ANK1: variants seen among roughly 807,000 people sequenced by gnomAD.
The protein encoded by ANK1 is ankyrin 1, also known as ankyrin-1.
In ANK1, 51 loss-of-function variants were observed where a neutral mutation model predicts 210.4. The observed-to-expected ratio is 0.24, with a 90% CI of 0.19 to 0.31. The LOEUF (loss-of-function observed/expected upper bound fraction) is 0.31. Among genes scored for constraint, ANK1 ranks in the 10% least tolerant of loss-of-function variants. The pLI, the probability that ANK1 is intolerant of heterozygous loss-of-function variation, is 1.00. For missense variants in ANK1, 2,051 were observed against 2,504.4 expected, an observed-to-expected ratio of 0.82 and a Z score of 3.86; for synonymous variants, 967 against 1,025.9, an observed-to-expected ratio of 0.94 and a Z score of 1.10.
chr8:41,724,000 G>T (rs1297921595), intron 7 of ANK1, among the ~76,000 whole-genome samples: 1 of 151,790 alleles, frequency 6.6e-6, no homozygotes, highest in Non-Finnish European at 1.5e-5. Context: ...GTGTTAGCCA[G>T]GATGGTCTCG....
At chr8:41,780,500 C>T (rs773251307) in intron 1 of ANK1, among the ~76,000 whole-genome samples, 1 of 152,262 alleles carries the variant, frequency 6.6e-6, no homozygotes, top group South Asian at 2.1e-4. Context: ...ACGTCCTCCT[C>T]TGCCCACCCA....
At chr8:41,771,647 T>C (rs1419120795) in intron 1 of ANK1, among the ~76,000 whole-genome samples, 1 of 152,202 alleles carries the variant, frequency 6.6e-6, no homozygotes, top group African/African-American at 2.4e-5. Flanking sequence ...CTAAATATTT[T>C]ACCTACTGTC....
intron 1 of ANK1, among the ~76,000 whole-genome samples, chr8:41,758,739 G>A (rs1345951621): frequency 6.6e-6 from 1 of 152,144 alleles, no homozygotes; most frequent in African/African-American, 2.4e-5. Context: ...GCACAGCACA[G>A]CCTGGTGTCT....
intron 1 of ANK1, among the ~76,000 whole-genome samples, chr8:41,821,876 C>T (rs1804313746): frequency 6.6e-6 from 1 of 151,974 alleles, no homozygotes; most frequent in South Asian, 2.1e-4. Flanking sequence ...AGTGAAACCT[C>T]ATCTCTACTA....
chr8:41,711,998 C>T (rs967111240), intron 16 of ANK1, among the ~76,000 whole-genome samples: 2 of 151,954 alleles, frequency 1.3e-5, no homozygotes, highest in East Asian at 1.9e-4. Flanking sequence ...GACCTTGGCT[C>T]GCCGCAATCT....
intron 1 of ANK1, among the ~76,000 whole-genome samples, chr8:41,762,699 A>C (rs999644675): frequency 3.3e-5 from 5 of 152,252 alleles, no homozygotes; most frequent in African/African-American, 1.2e-4. Context: ...TACTTATGCT[A>C]CTGATTCAGA....
chr8:41,681,706 G>A (rs1345005768), intron 37 of ANK1, among the ~76,000 whole-genome samples: 3 of 152,050 alleles, frequency 2.0e-5, no homozygotes, highest in Admixed American at 1.3e-4. Flanking sequence ...GCCCAGGGAA[G>A]AGCAGAGAAG....
intron 9 of ANK1, among the ~76,000 whole-genome samples, chr8:41,720,561 G>A (rs1441963377): frequency 6.6e-6 from 1 of 152,122 alleles, no homozygotes; most frequent in Non-Finnish European, 1.5e-5. Context: ...CACCTGGTAT[G>A]GGTTAAGCTC....
At chr8:41,872,592 T>A (rs1815748677) in intron 1 of ANK1, among the ~76,000 whole-genome samples, 1 of 152,186 alleles carries the variant, frequency 6.6e-6, no homozygotes, top group African/African-American at 2.4e-5. Context: ...CTTGGAGCCG[T>A]GGGGAGCGCG....
At chr8:41,665,137 C>G (rs1015340339) in intron 39 of ANK1, 105 of 1,541,826 alleles carry the variant, frequency 6.8e-5, no homozygotes, top group Middle Eastern at 5.0e-4. Context: ...CCTTGCATTC[C>G]CCCTCCCTAT....
chr8:41,766,565 C>T (rs1419650535), intron 1 of ANK1, among the ~76,000 whole-genome samples: 1 of 152,180 alleles, frequency 6.6e-6, no homozygotes, highest in African/African-American at 2.4e-5. Flanking sequence ...GAACTCGGGA[C>T]ATTGGGAAAA....
At chr8:41,847,940 GGGCAGATCACTTGAGA>G (rs1195556087) in intron 1 of ANK1, among the ~76,000 whole-genome samples, 1 of 152,058 alleles carries the variant, frequency 6.6e-6, no homozygotes, top group Non-Finnish European at 1.5e-5. Context: ...AGGCCGAGGC[GGGCAGATCACTTGAGA>G]GGCAGATCAC....
At chr8:41,679,664 G>A (rs1007049884) in intron 37 of ANK1, among the ~76,000 whole-genome samples, 5 of 140,736 alleles carry the variant, frequency 3.6e-5, no homozygotes, top group Non-Finnish European at 7.6e-5. Context: ...CCGGGTTCAC[G>A]CCATTCTCCT....
At chr8:41,884,204 C>T (rs913223345) in intron 1 of ANK1, among the ~76,000 whole-genome samples, 7 of 152,026 alleles carry the variant, frequency 4.6e-5, no homozygotes, top group South Asian at 2.1e-4. Flanking sequence ...AAACATGAGC[C>T]GGGCATGGTG....
intron 1 of ANK1, among the ~76,000 whole-genome samples, chr8:41,856,679 A>G (rs1812221261): frequency 6.6e-6 from 1 of 152,180 alleles, no homozygotes; most frequent in Non-Finnish European, 1.5e-5. Flanking sequence ...TGCTCAAAAA[A>G]CAATGTTCAT....
At chr8:41,717,772 C>A in intron 11 of ANK1, 70 bp from the exon 12 acceptor site, 2 of 1,285,816 alleles carry the variant, frequency 1.6e-6, no homozygotes, top group Non-Finnish European at 2.2e-6. Flanking sequence ...GAGAACCTGA[C>A]AGTATCTAAC....
chr8:41,794,764 G>T (rs1241764085), intron 1 of ANK1, among the ~76,000 whole-genome samples: 12 of 152,196 alleles, frequency 7.9e-5, no homozygotes. Context: ...GAGTGCAGTG[G>T]CACCATCTCG....
At chr8:41,729,240 G>T (rs891039297) in intron 3 of ANK1, among the ~76,000 whole-genome samples, 1 of 152,152 alleles carries the variant, frequency 6.6e-6, no homozygotes, top group South Asian at 2.1e-4. Flanking sequence ...AATGAGTAAG[G>T]GTTCACCAAA....
At chr8:41,760,260 CT>C (rs1840096366) in intron 1 of ANK1, among the ~76,000 whole-genome samples, 1 of 152,220 alleles carries the variant, frequency 6.6e-6, no homozygotes, top group South Asian at 2.1e-4. Flanking sequence ...TGGGAGGGAT[CT>C]GGTGGGAGGT....
Sources: allele counts gnomAD v4.1 joint callset (sites outside exome capture counted in the v4.1 genomes callset), GRCh38; gene constraint gnomAD v4.1.1; transcripts MANE v1.5; gene names NCBI Gene and HGNC (gene_info 2026-07-23, HGNC 2026-07-21).